Variants in TLK2 observed in about 807,000 individuals in gnomAD.
TLK2 encodes the protein tousled like kinase 2, also known as serine/threonine-protein kinase tousled-like 2.
A neutral mutation model predicts 117.3 loss-of-function variants in TLK2; 6 were observed. That is an observed-to-expected ratio of 0.05 (90% confidence interval 0.03 to 0.10). The LOEUF is 0.10. Ranked by LOEUF, TLK2 falls within the 10% of genes least tolerant of loss-of-function variation. The pLI, the probability that TLK2 is intolerant of heterozygous loss-of-function variation, is 1.00. For synonymous variants in TLK2, 257 were observed against 316.7 expected (o/e 0.81, Z 2.00); for missense variants, 299 against 901.2 (o/e 0.33, Z 8.56).
At chr17:62,593,973 A>G (rs369394059) in intron 16 of TLK2, among the ~76,000 whole-genome samples, 1 of 151,524 alleles carries the variant, frequency 6.6e-6, no homozygotes, top group Non-Finnish European at 1.5e-5. Flanking sequence ...TTGTATATTT[A>G]GTAGAGACGC....
intron 11 of TLK2, among the ~76,000 whole-genome samples, chr17:62,567,868 C>T (rs1376761371): frequency 2.0e-5 from 3 of 151,758 alleles, no homozygotes; most frequent in African/African-American, 7.3e-5. Flanking sequence ...TCTTTAATTT[C>T]CTAAAACAGA....
intron 6 of TLK2, among the ~76,000 whole-genome samples, chr17:62,525,294 G>A (rs1372651289): frequency 1.3e-5 from 2 of 152,054 alleles, no homozygotes; most frequent in Non-Finnish European, 2.9e-5. Context: ...TATTGTTAAA[G>A]TATTTTAAAA....
At chr17:62,499,718 G>A (rs1206054529) in intron 2 of TLK2, among the ~76,000 whole-genome samples, 23 of 151,942 alleles carry the variant, frequency 1.5e-4, no homozygotes, top group Admixed American at 1.5e-3. Flanking sequence ...GGGCATGGTG[G>A]CATGTGCCTG....
chr17:62,596,716 C>T, intron 17 of TLK2, 42 bp downstream of exon 17: 2 of 1,541,174 alleles, frequency 1.3e-6, no homozygotes, highest in Non-Finnish European at 9.0e-7. Flanking sequence ...ATATTATTTT[C>T]TTGCAATGCT....
At chr17:62,591,216 C>T (rs2082056052) in intron 16 of TLK2, among the ~76,000 whole-genome samples, 1 of 151,802 alleles carries the variant, frequency 6.6e-6, no homozygotes, top group African/African-American at 2.4e-5. Flanking sequence ...ACCACTGCAC[C>T]CCAGCCTGGG....
At chr17:62,563,565 C>T (rs1370338271) in intron 10 of TLK2, among the ~76,000 whole-genome samples, 1 of 152,170 alleles carries the variant, frequency 6.6e-6, no homozygotes, top group African/African-American at 2.4e-5. Flanking sequence ...CTATAAATTG[C>T]CTGTTGGTTG....
chr17:62,592,550 A>G (rs548553804), intron 16 of TLK2, among the ~76,000 whole-genome samples: 9 of 152,144 alleles, frequency 5.9e-5, no homozygotes, highest in Non-Finnish European at 1.3e-4. Context: ...CCTAGGCTGT[A>G]TGGTATAGCC....
At chr17:62,492,860 G>A (rs1202544063) in intron 2 of TLK2, among the ~76,000 whole-genome samples, 1 of 152,044 alleles carries the variant, frequency 6.6e-6, no homozygotes, top group Non-Finnish European at 1.5e-5. Context: ...TATTTTGGGA[G>A]GCCGAGGTGG....
chr17:62,561,097 C>T (rs370837012), intron 10 of TLK2, among the ~76,000 whole-genome samples: 3 of 151,918 alleles, frequency 2.0e-5, no homozygotes, highest in African/African-American at 7.3e-5. Flanking sequence ...TTTGTCCTTG[C>T]GATAGTTTGC....
At chr17:62,508,419 A>G in intron 2 of TLK2, 2 of 958,622 alleles carry the variant, frequency 2.1e-6, no homozygotes, top group Non-Finnish European at 2.5e-6. Flanking sequence ...AAAACTAGAA[A>G]AGAGGAGGAA....
At chr17:62,570,769 T>C (rs927000394) in intron 11 of TLK2, among the ~76,000 whole-genome samples, 1 of 152,204 alleles carries the variant, frequency 6.6e-6, no homozygotes, top group Non-Finnish European at 1.5e-5. Context: ...ATATATATTA[T>C]GGCTGTGGGG....
At chr17:62,501,645 A>G (rs757384315) in intron 2 of TLK2, among the ~76,000 whole-genome samples, 18 of 152,072 alleles carry the variant, frequency 1.2e-4, no homozygotes, top group Non-Finnish European at 2.2e-4. Context: ...CCCCATATTT[A>G]TTACAGAAAT....
rs1311977027 is a variant in TLK2 at position 62,471,917 on chromosome 17, TAGA to T, written c.-205+840_-205+842del. ...TTTTTTTTTTTTTTTTTTTTTTTTT[TAGA>T]CAGAGTCTTACTCTGTCGCCTAGGC... On this transcript the variant is annotated intron_variant, in intron 1 of 4. Transcript: ENST00000579450. Among the ~76,000 whole-genome samples the T allele has an allele frequency of 1.3e-3, 178 of 140,864 alleles. 4 individuals are homozygous for T. Among genetic ancestry groups the T allele is most frequent in the African/African-American group, 4.6e-3 (172 of 37,624 alleles). 92.4% of individuals were successfully genotyped at this position (140,864 alleles called of 152,430 possible). A position where few individuals can be genotyped will look rare whatever the true frequency, so the allele number is the denominator to read the frequency against.
intron 16 of TLK2, among the ~76,000 whole-genome samples, chr17:62,588,769 A>T (rs1275212127): frequency 6.6e-6 from 1 of 152,212 alleles, no homozygotes; most frequent in African/African-American, 2.4e-5. Context: ...AATCATACTC[A>T]TGCATTTCAG....
chr17:62,594,803 C>T (rs2082339392), intron 16 of TLK2, among the ~76,000 whole-genome samples: 1 of 145,616 alleles, frequency 6.9e-6, no homozygotes, highest in Admixed American at 6.8e-5. Flanking sequence ...CACACACACA[C>T]ACACACACAC....
chr17:62,600,449 T>A (rs1233589733), intron 17 of TLK2: 7 of 485,388 alleles, frequency 1.4e-5, no homozygotes, highest in Non-Finnish European at 2.5e-5. Context: ...ATTGAGGGTG[T>A]GGAAACTCTT....
rs2083982899 is a variant in TLK2, at chr17:62,614,285, A to T, written c.*1720A>T. On this transcript the variant is annotated 3_prime_UTR_variant, in exon 22 of 22. Coordinates refer to ENST00000346027, the MANE Select transcript of TLK2 (RefSeq NM_006852.6). ...GGCCCCACCGTGCCCTTGAAACAGC[A>T]GAGCACTCCTCAGTAGAGAGGGAGG... 6.6e-6 allele frequency: 1 copy of T among 152,252 alleles called. No individual in the cohort carries two copies. The highest frequency in any genetic ancestry group is 1.5e-5 in the Non-Finnish European group (1 of 68,070). 9.4% of individuals were successfully genotyped at this position (152,252 alleles called of 1,614,324 possible). A position where few individuals can be genotyped will look rare whatever the true frequency, so the allele number is the denominator to read the frequency against.
intron 1 of TLK2, among the ~76,000 whole-genome samples, chr17:62,480,554 C>T (rs1004280365): frequency 5.9e-5 from 9 of 152,186 alleles, no homozygotes; most frequent in African/African-American, 1.7e-4. Context: ...CGTGGGCTCT[C>T]TATTAAATTT....
At chr17:62,538,033 GTTTTT>G (rs57512334) in intron 7 of TLK2, among the ~76,000 whole-genome samples, 1 of 106,162 alleles carries the variant, frequency 9.4e-6, no homozygotes, top group Non-Finnish European at 1.8e-5. Flanking sequence ...TTAAATCTTT[GTTTTT>G]TTTTTTTTTT....
Sources: gnomAD v4.1 joint callset for allele counts (sites outside exome capture counted in the v4.1 genomes callset) on GRCh38, gnomAD v4.1.1 for gene constraint, MANE v1.5 for transcripts, NCBI Gene and HGNC (gene_info 2026-07-23, HGNC 2026-07-21) for gene names.